The following LUZP2 variants were observed in gnomAD, a reference collection of about 807,000 sequenced individuals.
LUZP2 encodes the protein leucine zipper protein 2.
Under a neutral mutation model 51.6 loss-of-function variants are expected in LUZP2, and 52 were observed. That is an observed-to-expected ratio of 1.01 (90% confidence interval 0.81 to 1.27). LUZP2 has a LOEUF of 1.27. Among genes scored for constraint, LUZP2 ranks in the 50% most tolerant of loss-of-function variants. The pLI is 0.00. For missense variants in LUZP2, 436 were observed against 395.4 expected (o/e 1.10, Z -0.87); for synonymous variants, 154 against 137.3 (o/e 1.12, Z -0.85).
chr11:24,807,613 A>C (rs1232221442), intron 5 of LUZP2, among the ~76,000 whole-genome samples: 2 of 152,132 alleles, frequency 1.3e-5, no homozygotes, highest in Non-Finnish European at 2.9e-5. Context: ...GTGATTGGGC[A>C]AAAAAGAGTG....
intron 7 of LUZP2, among the ~76,000 whole-genome samples, chr11:24,917,484 T>C (rs892967008): frequency 1.3e-5 from 2 of 152,204 alleles, no homozygotes; most frequent in African/African-American, 2.4e-5. Context: ...CATGTAAGTC[T>C]TTAATCCATC....
intron 1 of LUZP2, among the ~76,000 whole-genome samples, chr11:24,710,173 T>G (rs4353276): frequency 6.6e-6 from 1 of 152,032 alleles, no homozygotes; most frequent in African/African-American, 2.4e-5. Flanking sequence ...ACGGTGATAT[T>G]CTCAAAGGAA....
intron 5 of LUZP2, among the ~76,000 whole-genome samples, chr11:24,821,263 T>C (rs1401718887): frequency 6.6e-6 from 1 of 152,158 alleles, no homozygotes; most frequent in African/African-American, 2.4e-5. Flanking sequence ...TACCCACAAA[T>C]ATACACATTC....
chr11:24,535,468 C>A (rs575912807), intron 1 of LUZP2, among the ~76,000 whole-genome samples: 5 of 151,678 alleles, frequency 3.3e-5, no homozygotes, highest in Admixed American at 6.6e-5. Context: ...ATTCTAAATC[C>A]TTTGCCATCA....
intron 9 of LUZP2, among the ~76,000 whole-genome samples, chr11:25,023,884 G>A (rs939110307): frequency 6.6e-5 from 10 of 152,034 alleles, no homozygotes; most frequent in Admixed American, 5.3e-4. Context: ...TCTTCATTTC[G>A]TTATGTACCC....
intron 9 of LUZP2, among the ~76,000 whole-genome samples, chr11:25,037,751 AT>A (rs907908714): frequency 6.0e-5 from 9 of 149,136 alleles, no homozygotes; most frequent in Non-Finnish European, 1.2e-4. Context: ...TTCTTGTTGG[AT>A]TTTTTTTTTC....
At chr11:24,567,575 A>G (rs1852286698) in intron 1 of LUZP2, among the ~76,000 whole-genome samples, 1 of 152,094 alleles carries the variant, frequency 6.6e-6, no homozygotes, top group Non-Finnish European at 1.5e-5. Context: ...ATTGAAACAG[A>G]GAGAGAAAAA....
In LUZP2 at chr11:25,081,029, A is replaced by ATTTTGTTTTTTT. The variant is rs1554964353; in HGVS notation, c.*2375_*2376insGTTTTTTTTTTT. The ATTTTGTTTTTTT allele has an allele frequency of 7.0e-5, 7 of 100,708 alleles. No homozygotes were observed. The East Asian group carries it at 1.4e-3, about 20-fold the overall frequency. 6.2% of individuals were successfully genotyped at this position (100,708 alleles called of 1,614,324 possible). A position where few individuals can be genotyped will look rare whatever the true frequency, so the allele number is the denominator to read the frequency against. On this transcript the variant is annotated 3_prime_UTR_variant, in exon 12 of 12. Coordinates refer to ENST00000336930, the MANE Select transcript of LUZP2 (RefSeq NM_001009909.4). ...ATCAAGTGGGCTTTGGATCCATATG[A>ATTTTGTTTTTTT]TTTTTTTTTTTTTTTTTTTTTGAGA... is the stretch of plus-strand genomic sequence containing the variant.
At chr11:24,810,246 T>G (rs1054048101) in intron 5 of LUZP2, among the ~76,000 whole-genome samples, 7 of 152,138 alleles carry the variant, frequency 4.6e-5, no homozygotes, top group Non-Finnish European at 1.0e-4. Flanking sequence ...CACAGGTAAA[T>G]TTTATACATA....
At chr11:24,934,721 C>T (rs899201644) in intron 7 of LUZP2, among the ~76,000 whole-genome samples, 9 of 152,112 alleles carry the variant, frequency 5.9e-5, no homozygotes, top group African/African-American at 9.7e-5. Context: ...CAATCTGACA[C>T]GCTGTGCCTA....
chr11:24,738,451 A>G, intron 4 of LUZP2, 149 bp downstream of exon 4: 1 of 596,756 alleles, frequency 1.7e-6, no homozygotes. Flanking sequence ...ACAGAATAGT[A>G]CTTGGTCAGC....
At chr11:24,919,802 T>C (rs1329182580) in intron 7 of LUZP2, among the ~76,000 whole-genome samples, 1 of 151,070 alleles carries the variant, frequency 6.6e-6, no homozygotes, top group Non-Finnish European at 1.5e-5. Flanking sequence ...TAATTATTGC[T>C]ACCTAGTACA....
At chr11:24,962,300 G>C (rs1366854687) in intron 7 of LUZP2, among the ~76,000 whole-genome samples, 1 of 152,182 alleles carries the variant, frequency 6.6e-6, no homozygotes, top group African/African-American at 2.4e-5. Flanking sequence ...TCCCGAATCT[G>C]AATGTTGGCC....
At chr11:24,526,191 T>C (rs1485421504) in intron 1 of LUZP2, among the ~76,000 whole-genome samples, 1 of 150,936 alleles carries the variant, frequency 6.6e-6, no homozygotes, top group East Asian at 1.9e-4. Context: ...AGTGCTCCAC[T>C]ATCTGCAGGG....
intron 5 of LUZP2, among the ~76,000 whole-genome samples, chr11:24,899,313 G>A (rs1204665249): frequency 2.0e-5 from 3 of 151,750 alleles, no homozygotes; most frequent in African/African-American, 2.4e-5. Context: ...TGTTTCAAAT[G>A]TAGGATATTT....
chr11:24,913,249 C>A lies in LUZP2; in HGVS notation c.460-1227C>A, dbSNP rs373269607. Among the ~76,000 whole-genome samples the A allele has an allele frequency of 3.9e-5, 6 of 152,206 alleles. No homozygotes were observed. In the East Asian group the frequency reaches 9.6e-4, roughly 24 times the overall value. On this transcript the variant is annotated intron_variant, in intron 6 of 11. Transcript: ENST00000336930. The stretch of plus-strand genomic sequence containing the variant: ...TTTGTTTGCCTTTTAGAATGTTTTC[C>A]AAATGGAATTGTACAAAATATAGCT...
At chr11:24,808,661 T>G (rs1849922847) in intron 5 of LUZP2, among the ~76,000 whole-genome samples, 1 of 152,192 alleles carries the variant, frequency 6.6e-6, no homozygotes, top group Admixed American at 6.6e-5. Flanking sequence ...ATTGTGAAAC[T>G]TAATTGTGCT....
At chr11:24,704,645 C>T (rs936852794) in intron 1 of LUZP2, among the ~76,000 whole-genome samples, 1 of 151,838 alleles carries the variant, frequency 6.6e-6, no homozygotes, top group Admixed American at 6.6e-5. Flanking sequence ...TAAATAAGTG[C>T]TCCATGATAT....
At chr11:24,775,914 A>G (rs1848902049) in intron 5 of LUZP2, among the ~76,000 whole-genome samples, 1 of 152,206 alleles carries the variant, frequency 6.6e-6, no homozygotes, top group Non-Finnish European at 1.5e-5. Flanking sequence ...GACATTTAGT[A>G]CATATTAAGC....
Sources: allele counts gnomAD v4.1 joint callset (sites outside exome capture counted in the v4.1 genomes callset), GRCh38; gene constraint gnomAD v4.1.1; transcripts MANE v1.5; gene names NCBI Gene and HGNC (gene_info 2026-07-23, HGNC 2026-07-21).